Variants in PPP1R21 observed in about 807,000 individuals in gnomAD.
The protein encoded by PPP1R21 is KLRAQ motif containing 1.
Under a neutral mutation model 112.8 loss-of-function variants are expected in PPP1R21, and 85 were observed. The ratio of observed to expected loss-of-function variants is 0.75; its 90% CI spans 0.63 to 0.90. PPP1R21 has a LOEUF of 0.90. Ranked by LOEUF, PPP1R21 falls within the 40% of genes least tolerant of loss-of-function variation. The pLI is 0.00. For synonymous variants in PPP1R21, 381 were observed against 322.3 expected (o/e 1.18, Z -1.95); for missense variants, 1,199 against 901.5 (o/e 1.33, Z -4.23).
Position 48,479,947 on chromosome 2 carries a change from C to T in PPP1R21, c.1249C>T (p.Arg417Trp), listed in dbSNP as rs771223813. The change falls in exon 13 of 22, where the codon CGG (arginine) becomes TGG (tryptophan). Residue 417 changes from arginine (R) to tryptophan (W), a missense_variant. By Grantham distance (101) the Arg-to-Trp change is moderately radical (BLOSUM62 -3). Transcript: ENST00000294952. ...LPSTEPDGLL[R>W]TNYSSVLTNV... ...AGGTACAGAGCCAGATGGACTCCTT[C>T]GGACAAACTACAGTTCTGTGTTAAC... 22 of 1,611,976 alleles carry T rather than the reference C, an allele frequency of 1.4e-5. No homozygotes were observed. The highest frequency in any genetic ancestry group is 1.2e-4 in the South Asian group (11 of 91,042).
At chr2:48,459,456 G>A (rs1362597107) in intron 4 of PPP1R21, among the ~76,000 whole-genome samples, 1 of 152,144 alleles carries the variant, frequency 6.6e-6, no homozygotes, top group African/African-American at 2.4e-5. Flanking sequence ...GAGGTAGGAG[G>A]TGCAGGCTTT....
rs190188094 is a variant in PPP1R21, at chr2:48,441,275, G to A, written c.57+265G>A. The A allele has an allele frequency of 2.1e-3, 1,126 of 537,416 alleles. 4 individuals are homozygous for A. Among genetic ancestry groups the A allele is most frequent in the Non-Finnish European group, 2.8e-3 (823 of 296,114 alleles). The allele number at this position is 537,416 out of a possible 1,614,324, so 33.3% of individuals were successfully genotyped here. The stretch of plus-strand genomic sequence containing the variant: ...CTTTTCACTGAAGTAGCGGGCTTGG[G>A]ACTGGGATGTCAGAAATTCTGGCTT... On this transcript the variant is annotated intron_variant, in intron 1 of 21. Coordinates refer to ENST00000294952, the MANE Select transcript of PPP1R21 (RefSeq NM_001135629.3).
rs766687094 is a variant in PPP1R21, at chr2:48,459,872, A to T, written c.494A>T (p.Tyr165Phe). 2.2e-5 allele frequency: 35 copies of T among 1,614,248 alleles called. No homozygotes were observed. The highest frequency in any genetic ancestry group is 2.9e-5 in the Non-Finnish European group (34 of 1,180,048). ...QAVVDGLTRK[Y>F]METIEKLQND... is the part of the protein sequence containing the mutation. ...GTGGTTGACGGTCTCACCCGGAAGT[A>T]CATGGAAACCATTGAGAAGCTGCAG... Residue 165 changes from tyrosine (Y) to phenylalanine (F), a missense_variant, in exon 5 of 22, where the codon TAC becomes TTC. Coordinates refer to ENST00000294952, the MANE Select transcript of PPP1R21 (RefSeq NM_001135629.3).
In PPP1R21 at chr2:48,454,724, C is replaced by A. The variant is rs766032349; in HGVS notation, c.256C>A (p.Arg86=). The A allele has an allele frequency of 1.9e-6, 3 of 1,613,844 alleles. 1 individual carries two copies. Among genetic ancestry groups the A allele is most frequent in the South Asian group, 2.2e-5 (2 of 91,068 alleles). Residue 86 remains arginine, a synonymous_variant, in exon 3 of 22, where the codon CGA becomes AGA. Transcript: ENST00000294952. The part of the protein sequence containing the change: ...LQDELALSEP[R]GKKNKKSGES... The stretch of plus-strand genomic sequence containing the variant: ...AGATGAACTAGCTCTAAGTGAACCA[C>A]GAGGCAAGAAAAACAAGGTAGGTTC...
chr2:48,471,299 A>G lies in PPP1R21; in HGVS notation c.1020A>G (p.Lys340=). Residue 340 remains lysine, a synonymous_variant, in exon 11 of 22, where the codon AAA becomes AAG. Transcript: ENST00000294952. ...TCCAGGAGACAACTGTGAAATTGAA[A>G]ACTTTTTCAGAACACTTAACCTCCT... ...VTVLETTVKL[K]TFSEHLTSYI... The G allele has an allele frequency of 6.2e-7, 1 of 1,611,822 alleles. No individual in the cohort carries two copies. Among genetic ancestry groups the G allele is most frequent in the East Asian group, 2.2e-5 (1 of 44,864 alleles).
chr2:48,473,735 G>A (rs2103860499), intron 11 of PPP1R21, among the ~76,000 whole-genome samples: 1 of 152,108 alleles, frequency 6.6e-6, no homozygotes, highest in African/African-American at 2.4e-5. Context: ...ACCTTTTCTG[G>A]CTTTGTCTAA....
At chr2:48,456,425 G>T (rs1242572582) in intron 3 of PPP1R21, among the ~76,000 whole-genome samples, 1 of 152,172 alleles carries the variant, frequency 6.6e-6, no homozygotes, top group Admixed American at 6.5e-5. Flanking sequence ...AAGAGCACAG[G>T]CTTCAGATTT....
At chr2:48,508,713 A>G (rs1436106620) in intron 19 of PPP1R21, among the ~76,000 whole-genome samples, 3 of 152,168 alleles carry the variant, frequency 2.0e-5, no homozygotes, top group Admixed American at 1.3e-4. Context: ...CCTCTTTGTC[A>G]GGTTCATTGC....
At chr2:48,476,889 G>C (rs564051566) in intron 12 of PPP1R21, among the ~76,000 whole-genome samples, 3 of 152,066 alleles carry the variant, frequency 2.0e-5, no homozygotes, top group African/African-American at 4.8e-5. Flanking sequence ...CCATTTTATA[G>C]GTTGTCTTTT....
rs768969506 is a variant in PPP1R21 at position 48,465,665 on chromosome 2, T to A, written c.897+23T>A. On this transcript the variant is annotated intron_variant, in intron 9 of 21. Transcript: ENST00000294952. ...AAGGTAAATTTAATTCAGGATACAT[T>A]TTGTTTGCCCTGAACAAAATAGGGA... 12 of 1,606,660 alleles carry A rather than the reference T, an allele frequency of 7.5e-6. No homozygotes were observed. In the South Asian group the frequency reaches 1.3e-4, roughly 18 times the overall value.
At chr2:48,503,908 G>A (rs6722068) in intron 17 of PPP1R21, among the ~76,000 whole-genome samples, 1,882 of 147,128 alleles carry the variant, frequency 0.013, 31 homozygotes, top group African/African-American at 0.042. Context: ...AGTCAGGATC[G>A]CACCATTGCA....
chr2:48,474,729 G>A lies in PPP1R21; in HGVS notation c.1135G>A (p.Ala379Thr). ...ESSLCTSALR[A>T]RNLELSQDMK... ...CTCTCTTTGCACATCTGCGTTAAGA[G>A]CCAGGAATCTAGAGCTGTCCCAGGA... Residue 379 changes from alanine (A) to threonine (T), a missense_variant, in exon 12 of 22, where the codon GCC (alanine) becomes ACC (threonine). Physicochemically the swap from Ala to Thr is moderately conservative, Grantham distance 58. Coordinates refer to ENST00000294952, the MANE Select transcript of PPP1R21 (RefSeq NM_001135629.3). 3.7e-6 allele frequency: 6 copies of A among 1,613,420 alleles called. No homozygotes were observed. Among genetic ancestry groups the A allele is most frequent in the Non-Finnish European group, 5.1e-6 (6 of 1,179,664 alleles).
chr2:48,465,079 A>G (rs1011428618), intron 8 of PPP1R21, 90 bp downstream of exon 8: 48 of 944,824 alleles, frequency 5.1e-5, no homozygotes, highest in African/African-American at 7.0e-5. Context: ...ACCTCTGTTT[A>G]GTGCATTCAG....
rs1055819129 is a variant in PPP1R21 at position 48,514,970 on chromosome 2, A to G, written c.*226A>G. 2 of 530,466 alleles carry G rather than the reference A, an allele frequency of 3.8e-6. No individual in the cohort carries two copies. The highest frequency in any genetic ancestry group is 3.3e-6 in the Non-Finnish European group (1 of 302,096). The allele number at this position is 530,466 out of a possible 1,614,324, so 32.9% of individuals were successfully genotyped here. On this transcript the variant is annotated 3_prime_UTR_variant, in exon 22 of 22. Transcript: ENST00000294952. ...CGGCAGTAAATGGAAAACAATACGT[A>G]TGTCATGGATATTGTAGGTTTCCTT... is the stretch of plus-strand genomic sequence containing the variant.
chr2:48,468,557 A>C (rs1473148874), intron 9 of PPP1R21, among the ~76,000 whole-genome samples: 2 of 152,182 alleles, frequency 1.3e-5, no homozygotes, highest in East Asian at 3.8e-4. Context: ...TCACACCTGT[A>C]ATCCTAGTAC....
chr2:48,479,394 C>T (rs1236236103), intron 12 of PPP1R21: 2 of 443,236 alleles, frequency 4.5e-6, no homozygotes, highest in Admixed American at 5.4e-5. Context: ...TGAGTTGTTA[C>T]AGATTTTCTT....
chr2:48,465,853 C>G (rs1572847906), intron 9 of PPP1R21, among the ~76,000 whole-genome samples: 1 of 152,302 alleles, frequency 6.6e-6, no homozygotes, highest in South Asian at 2.1e-4. Flanking sequence ...TGTTTTCACA[C>G]TGCTGATAAA....
chr2:48,473,059 A>C (rs1373224042), intron 11 of PPP1R21, among the ~76,000 whole-genome samples: 1 of 150,770 alleles, frequency 6.6e-6, no homozygotes, highest in African/African-American at 2.4e-5. Context: ...TGTAAAACTA[A>C]AGTAGTAAGT....
intron 15 of PPP1R21, among the ~76,000 whole-genome samples, chr2:48,493,086 G>A (rs928665209): frequency 1.3e-4 from 18 of 138,656 alleles, no homozygotes; most frequent in Admixed American, 4.8e-4. Flanking sequence ...GCATGATCTC[G>A]GCTCCGCCTC....
Sources: allele counts gnomAD v4.1 joint callset (sites outside exome capture counted in the v4.1 genomes callset), GRCh38; gene constraint gnomAD v4.1.1; transcripts MANE v1.5; gene names NCBI Gene and HGNC (gene_info 2026-07-23, HGNC 2026-07-21).